ADD2: variants seen among roughly 807,000 people sequenced by gnomAD.
ADD2 encodes adducin 2.
ADD2 carries 23 observed loss-of-function variants against 83.0 expected under a neutral mutation model. The observed-to-expected ratio is 0.28, with a 90% CI of 0.20 to 0.39. The LOEUF is 0.39. Ranked by LOEUF, ADD2 falls within the 10% of genes least tolerant of loss-of-function variation. The probability of loss-of-function intolerance (pLI) is 1.00; values close to 1 mark genes in which losing one functional copy is unlikely to be tolerated. For synonymous variants in ADD2, 375 were observed against 375.4 expected, an observed-to-expected ratio of 1.00 and a Z score of 0.01; for missense variants, 758 against 944.9, an observed-to-expected ratio of 0.80 and a Z score of 2.59.
chr2:70,704,547 C>T (rs1671791608), intron 3 of ADD2, 88 bp from the exon 4 acceptor site: 1 of 1,546,538 alleles, frequency 6.5e-7, no homozygotes, highest in South Asian at 1.2e-5. Flanking sequence ...ACCCCTTGCC[C>T]CTGGGTCAGC....
At chr2:70,704,264 C>CCCCCCCCCCCCCCCCCCCCCCCCCCT in intron 4 of ADD2, 57 bp downstream of exon 4, 1 of 425,204 alleles carries the variant, frequency 2.4e-6, no homozygotes, top group Non-Finnish European at 4.8e-6. Context: ...TCCCTCTCTT[C>CCCCCCCCCCCCCCCCCCCCCCCCCCT]CCCACCCCAC....
In ADD2 at chr2:70,678,770, G is replaced by A. The variant is rs781831831; in HGVS notation, c.1317C>T (p.Thr439=). ...EKTRWLNTPN[T]YLRVNVADEV... ...CATCGGCCACATTGACCCGCAGGTA[G>A]GTGTTGGGCGTATTGAGCCAGCGGG... The change falls in exon 11 of 16, where the codon ACC becomes ACT. Residue 439 remains threonine (T), a synonymous_variant. Transcript: ENST00000264436. The A allele has an allele frequency of 2.4e-5, 38 of 1,612,284 alleles. No individual in the cohort carries two copies. Among genetic ancestry groups the A allele is most frequent in the Admixed American group, 1.7e-4 (10 of 59,850 alleles).
At chr2:70,702,930 C>G (rs1206123001) in intron 4 of ADD2, among the ~76,000 whole-genome samples, 2 of 152,100 alleles carry the variant, frequency 1.3e-5, no homozygotes, top group Non-Finnish European at 2.9e-5. Flanking sequence ...AGTGCCAAAC[C>G]AGCCTGGGCA....
At chr2:70,717,224 C>T (rs1190396390) in intron 1 of ADD2, among the ~76,000 whole-genome samples, 8 of 152,220 alleles carry the variant, frequency 5.3e-5, no homozygotes, top group African/African-American at 9.6e-5. Flanking sequence ...TCATGAGACA[C>T]GCTTCCTGTC....
chr2:70,741,413 G>A (rs1673898690), intron 1 of ADD2: 1 of 152,212 alleles, frequency 6.6e-6, no homozygotes, highest in African/African-American at 2.4e-5. Context: ...TGCTCTGGGA[G>A]AATAAAGGAG....
At chr2:70,753,087 A>G (rs1004396784) in intron 1 of ADD2, among the ~76,000 whole-genome samples, 2 of 152,250 alleles carry the variant, frequency 1.3e-5, no homozygotes, top group African/African-American at 2.4e-5. Flanking sequence ...GCTCTCTCAC[A>G]CTTAGAGGTC....
chr2:70,759,499 AC>A (rs1269711915), intron 1 of ADD2, among the ~76,000 whole-genome samples: 4 of 152,014 alleles, frequency 2.6e-5, no homozygotes, highest in Non-Finnish European at 5.9e-5. Flanking sequence ...AGGAGGGGGT[AC>A]CTGGTGGGAG....
intron 1 of ADD2, among the ~76,000 whole-genome samples, chr2:70,721,377 A>G: frequency 6.6e-6 from 1 of 152,124 alleles, no homozygotes; most frequent in Non-Finnish European, 1.5e-5. Flanking sequence ...CCATGACTCT[A>G]TGTCTTAGAA....
chr2:70,739,883 G>A (rs1334105074), intron 1 of ADD2, among the ~76,000 whole-genome samples: 3 of 152,154 alleles, frequency 2.0e-5, no homozygotes, highest in African/African-American at 7.2e-5. Flanking sequence ...GGTGGAGAGT[G>A]GGAGAAGGGA....
chr2:70,763,144 G>C (rs1399800346), intron 1 of ADD2, among the ~76,000 whole-genome samples: 1 of 151,994 alleles, frequency 6.6e-6, no homozygotes. Context: ...ACTCCACAGA[G>C]GATACACTTT....
chr2:70,761,875 A>G (rs1157543074), intron 1 of ADD2, among the ~76,000 whole-genome samples: 1 of 151,224 alleles, frequency 6.6e-6, no homozygotes, highest in Non-Finnish European at 1.5e-5. Context: ...GTTTCACCAT[A>G]TTAGCCAGGA....
In ADD2 at chr2:70,706,283, C is replaced by A; in HGVS notation, c.126G>T (p.Arg42=). 1.2e-6 allele frequency: 2 copies of A among 1,614,122 alleles called. No homozygotes were observed. The highest frequency in any genetic ancestry group is 1.7e-6 in the Non-Finnish European group (2 of 1,180,010). Residue 42 remains arginine (R), a synonymous_variant, in exon 3 of 16, where the codon CGG becomes CGT. Transcript: ENST00000264436. This position sits in a 1 kb window ranked among gnomAD's most constrained non-coding sequence, Gnocchi z 5.0. ...TCTGCTCCATCAGGTTGAAGTCCTG[C>A]CGCAGGTCCGCCGCCCGGTTGCGAA... ...MRLRNRAADL[R]QDFNLMEQKK... is the part of the protein sequence containing the mutation.
At chr2:70,696,428 G>A (rs1480880051) in intron 4 of ADD2, 32 bp from the exon 5 acceptor site, 1 of 1,612,510 alleles carries the variant, frequency 6.2e-7, no homozygotes, top group African/African-American at 1.3e-5. Context: ...CTCAGGGCCA[G>A]GGCCCATCTG....
chr2:70,750,246 C>T lies in ADD2; in HGVS notation c.-154+17640G>A, dbSNP rs114277737. 4.5e-3 allele frequency among the ~76,000 whole-genome samples: 687 copies of T among 152,300 alleles called. 3 individuals carry two copies. Among genetic ancestry groups the T allele is most frequent in the African/African-American group, 0.015 (636 of 41,556 alleles). ...GCTCTTTCTTTTTCTTTCTCTCAACCAGGGAAACATCATGCCTTTCCAGGA... is the reference window on the plus strand; with the variant it reads ...GCTCTTTCTTTTTCTTTCTCTCAACTAGGGAAACATCATGCCTTTCCAGGA... On this transcript the variant is annotated intron_variant, in intron 1 of 15. Transcript: ENST00000264436.
At chr2:70,743,008 C>T (rs927317153) in intron 1 of ADD2, among the ~76,000 whole-genome samples, 12 of 152,196 alleles carry the variant, frequency 7.9e-5, no homozygotes, top group African/African-American at 2.9e-4. Flanking sequence ...AAGTGAGAAT[C>T]TTGCTTCAAA....
chr2:70,678,416 G>C (rs536583805), intron 11 of ADD2, among the ~76,000 whole-genome samples: 6 of 152,258 alleles, frequency 3.9e-5, no homozygotes, highest in Middle Eastern at 6.8e-3. Flanking sequence ...CTGTGGATGT[G>C]GGAGAAAGAA....
At chr2:70,710,096 C>A (rs1553375228) in intron 2 of ADD2, among the ~76,000 whole-genome samples, 1 of 152,210 alleles carries the variant, frequency 6.6e-6, no homozygotes, top group African/African-American at 2.4e-5. Context: ...ACTTTCAAAG[C>A]CCTGAACCTT....
intron 1 of ADD2, among the ~76,000 whole-genome samples, chr2:70,720,101 T>G (rs1289426818): frequency 6.6e-6 from 1 of 152,162 alleles, no homozygotes; most frequent in African/African-American, 2.4e-5. Context: ...TGGGGTTTTT[T>G]TTACTGGGCA....
At chr2:70,757,096 G>C (rs1165544774) in intron 1 of ADD2, among the ~76,000 whole-genome samples, 1 of 152,136 alleles carries the variant, frequency 6.6e-6, no homozygotes, top group East Asian at 1.9e-4. Flanking sequence ...CCAAAGTGCT[G>C]GGATTACAGG....
Sources: gnomAD v4.1 joint callset for allele counts (sites outside exome capture counted in the v4.1 genomes callset) on GRCh38, gnomAD v4.1.1 for gene constraint, Gnocchi (gnomAD v3.1) non-coding constraint, MANE v1.5 for transcripts, NCBI Gene and HGNC (gene_info 2026-07-23, HGNC 2026-07-21) for gene names.